CCDC38: variants seen among roughly 807,000 people sequenced by gnomAD.
CCDC38 encodes the protein coiled-coil domain containing 38.
In CCDC38, 69 loss-of-function variants were observed where a neutral mutation model predicts 72.8. The ratio of observed to expected loss-of-function variants is 0.95; its 90% confidence interval spans 0.78 to 1.16. The LOEUF (loss-of-function observed/expected upper bound fraction) is 1.16. CCDC38 is among the 50% of genes most tolerant of loss of function. The probability of loss-of-function intolerance (pLI) is 0.00; values close to 1 mark genes in which losing one functional copy is unlikely to be tolerated. For synonymous variants in CCDC38, 201 were observed against 213.2 expected, an observed-to-expected ratio of 0.94 and a Z score of 0.50; for missense variants, 626 against 638.9, an observed-to-expected ratio of 0.98 and a Z score of 0.22.
chr12:95,878,078 G>A lies in CCDC38; in HGVS notation c.1278+133C>T, dbSNP rs901413926. 9.0e-6 allele frequency: 9 copies of A among 996,526 alleles called. No homozygotes were observed. In the East Asian group the frequency reaches 2.3e-4, roughly 26 times the overall value. The allele number at this position is 996,526 out of a possible 1,614,324, so 61.7% of individuals were successfully genotyped here. On this transcript the variant is annotated intron_variant, in intron 13 of 15. Coordinates refer to ENST00000344280, the MANE Select transcript of CCDC38 (RefSeq NM_182496.3). ...ATAATGGCAAGATAAATTCCAAGCT[G>A]GCTTTCCACTTCTGTCATCAATCTA...
intron 10 of CCDC38, among the ~76,000 whole-genome samples, chr12:95,883,254 C>T (rs2079721323): frequency 6.6e-6 from 1 of 152,190 alleles, no homozygotes; most frequent in South Asian, 2.1e-4. Context: ...CCACATCCAT[C>T]TTTCTAAAGT....
chr12:95,897,882 C>T (rs564470428), intron 7 of CCDC38, among the ~76,000 whole-genome samples: 14 of 152,168 alleles, frequency 9.2e-5, no homozygotes, highest in South Asian at 2.1e-4. Flanking sequence ...AGCAGTGTGC[C>T]CAGCAGATCT....
chr12:95,912,912 T>C (rs568718027), intron 4 of CCDC38, among the ~76,000 whole-genome samples: 2 of 151,906 alleles, frequency 1.3e-5, no homozygotes, highest in Admixed American at 1.3e-4. Flanking sequence ...TATACAAAAA[T>C]TAGCCAGGCG....
chr12:95,931,333 A>G lies in CCDC38; in HGVS notation c.37+5140T>C, dbSNP rs58234042. 4.0e-3 allele frequency among the ~76,000 whole-genome samples: 617 copies of G among 152,346 alleles called. 2 individuals carry two copies. Among genetic ancestry groups the G allele is most frequent in the African/African-American group, 0.014 (577 of 41,570 alleles). ...TTGAATAAAAGGACTCTTGGATTATATTAGGCCCATTGGCTAATCCAGGAT... is the reference window on the plus strand; with the variant it reads ...TTGAATAAAAGGACTCTTGGATTATGTTAGGCCCATTGGCTAATCCAGGAT... On this transcript the variant is annotated intron_variant, in intron 2 of 15. Transcript: ENST00000344280.
chr12:95,883,952 A>G (rs1183380085), intron 10 of CCDC38, among the ~76,000 whole-genome samples: 1 of 152,218 alleles, frequency 6.6e-6, no homozygotes, highest in Admixed American at 6.5e-5. Flanking sequence ...AACTTGATAG[A>G]GTATGCACAT....
intron 2 of CCDC38, among the ~76,000 whole-genome samples, chr12:95,929,224 C>T (rs10777754): frequency 1.2e-4 from 18 of 151,964 alleles, no homozygotes; most frequent in Admixed American, 3.3e-4. Flanking sequence ...GAGCCAGGTG[C>T]GGGATATAAT....
At chr12:95,913,077 T>C (rs1343457014) in intron 4 of CCDC38, among the ~76,000 whole-genome samples, 1 of 151,532 alleles carries the variant, frequency 6.6e-6, no homozygotes, top group Non-Finnish European at 1.5e-5. Context: ...AAGTTAATAA[T>C]AAAAGCAAAA....
intron 2 of CCDC38, among the ~76,000 whole-genome samples, chr12:95,927,201 A>T (rs1273259571): frequency 6.6e-6 from 1 of 151,888 alleles, no homozygotes; most frequent in Non-Finnish European, 1.5e-5. Flanking sequence ...GTCGCTCAGG[A>T]CTTGCTTTAT....
chr12:95,934,179 C>T (rs1316791104), intron 2 of CCDC38: 1 of 151,924 alleles, frequency 6.6e-6, no homozygotes, highest in African/African-American at 2.4e-5. Context: ...TAAAACTATA[C>T]ATACAAATAA....
At position 95,868,269 on chromosome 12, in the gene CCDC38, A is replaced by G. The variant is rs562505376; in HGVS notation, c.1579-1080T>C. Among the ~76,000 whole-genome samples the G allele has an allele frequency of 3.3e-5, 5 of 152,266 alleles. No homozygotes were observed. In the East Asian group the frequency reaches 7.7e-4, roughly 24 times the overall value. ...TTAATTCACTACACATCAAGTATCCATGATGTGCCAGGTATTAGGAATACA... is the reference window on the plus strand; with the variant it reads ...TTAATTCACTACACATCAAGTATCCGTGATGTGCCAGGTATTAGGAATACA... On this transcript the variant is annotated intron_variant, in intron 15 of 15. Transcript: ENST00000344280.
chr12:95,918,829 A>T (rs1381028070), intron 3 of CCDC38, 47 bp downstream of exon 3: 4 of 1,273,058 alleles, frequency 3.1e-6, no homozygotes, highest in Non-Finnish European at 4.6e-6. Context: ...AGGTAAGTGG[A>T]TATGATTCTA....
chr12:95,904,077 ATTTC>A (rs1446355123), intron 5 of CCDC38, among the ~76,000 whole-genome samples: 3 of 151,854 alleles, frequency 2.0e-5, no homozygotes, highest in Admixed American at 6.6e-5. Context: ...GCTACCATTT[ATTTC>A]TTTCTTCTTG....
chr12:95,911,086 C>T (rs1047157733), intron 4 of CCDC38, among the ~76,000 whole-genome samples: 2 of 152,092 alleles, frequency 1.3e-5, no homozygotes, highest in African/African-American at 4.8e-5. Flanking sequence ...TAAAGCTGCA[C>T]ACATACAACC....
chr12:95,913,692 C>T (rs887637409), intron 4 of CCDC38, among the ~76,000 whole-genome samples: 1 of 152,106 alleles, frequency 6.6e-6, no homozygotes, highest in Non-Finnish European at 1.5e-5. Flanking sequence ...TACAAAAACA[C>T]ATAGTAACTT....
chr12:95,917,182 C>G lies in CCDC38; in HGVS notation c.251G>C (p.Arg84Thr). The G allele has an allele frequency of 6.2e-7, 1 of 1,607,040 alleles. No individual in the cohort carries two copies. Among genetic ancestry groups the G allele is most frequent in the South Asian group, 1.1e-5 (1 of 89,444 alleles). The change falls in exon 4 of 16, where the codon AGG becomes ACG. Residue 84 changes from arginine to threonine, a missense_variant. By Grantham distance (71) the Arg-to-Thr change is moderately conservative. Coordinates refer to ENST00000344280, the MANE Select transcript of CCDC38 (RefSeq NM_182496.3). ...ACCTGGCCCAAACTTTTCAAATGAC[C>G]TACCACTCCTTTTAGGGTAGAAAGC... ...QLAFYPKRSG[R>T]SFEKFGPGPA...
chr12:95,890,439 T>C (rs1426390784), intron 9 of CCDC38, among the ~76,000 whole-genome samples: 3 of 152,184 alleles, frequency 2.0e-5, no homozygotes, highest in Non-Finnish European at 4.4e-5. Flanking sequence ...TTCCCAAGGG[T>C]AAATTCTCTG....
intron 8 of CCDC38, among the ~76,000 whole-genome samples, chr12:95,892,154 C>T (rs539152794): frequency 5.1e-4 from 71 of 140,508 alleles, no homozygotes; most frequent in African/African-American, 1.8e-3. Flanking sequence ...TCTGAAAATT[C>T]CTGTTTCATG....
intron 2 of CCDC38, among the ~76,000 whole-genome samples, chr12:95,925,656 A>C (rs948561864): frequency 6.6e-6 from 1 of 152,304 alleles, no homozygotes; most frequent in African/African-American, 2.4e-5. Context: ...TTGCCCATTC[A>C]GTATAATATT....
rs2080002500 is a variant in CCDC38 at position 95,906,479 on chromosome 12, G to A, written c.305-28C>T. 5 of 1,515,974 alleles carry A rather than the reference G, an allele frequency of 3.3e-6. No homozygotes were observed. The South Asian group carries it at 5.7e-5, about 17-fold the overall frequency. 93.9% of individuals were successfully genotyped at this position (1,515,974 alleles called of 1,614,324 possible). A position where few individuals can be genotyped will look rare whatever the true frequency, so the allele number is the denominator to read the frequency against. ...GTGAAGAAAGTTGAAATAGACTTAAGTTTAGTTCATCATCCTTAAAAATGC... is the reference window on the plus strand; with the variant it reads ...GTGAAGAAAGTTGAAATAGACTTAAATTTAGTTCATCATCCTTAAAAATGC... On this transcript the variant is annotated intron_variant, in intron 4 of 15. Transcript: ENST00000344280.
Sources: allele counts gnomAD v4.1 joint callset (sites outside exome capture counted in the v4.1 genomes callset), GRCh38; gene constraint gnomAD v4.1.1; transcripts MANE v1.5; gene names NCBI Gene and HGNC (gene_info 2026-07-23, HGNC 2026-07-21).